WARS2: variants seen among roughly 807,000 people sequenced by gnomAD.
WARS2 encodes tryptophanyl tRNA synthetase 2, mitochondrial.
In WARS2, 28 loss-of-function variants were observed where a neutral mutation model predicts 36.5. The ratio of observed to expected loss-of-function variants is 0.77; its 90% CI spans 0.57 to 1.05. The LOEUF is 1.05. WARS2 is among the 50% of genes least tolerant of loss of function. The pLI is 0.00. For missense variants in WARS2, 435 were observed against 456.8 expected (o/e 0.95, Z 0.44); for synonymous variants, 174 against 178.4 (o/e 0.98, Z 0.20).
At chr1:119,036,896 C>T (rs1476800790) in intron 4 of WARS2, among the ~76,000 whole-genome samples, 4 of 152,166 alleles carry the variant, frequency 2.6e-5, no homozygotes, top group Non-Finnish European at 5.9e-5. Flanking sequence ...GCCTTCCCTC[C>T]CTGTGCTCCT....
At chr1:119,085,385 T>G (rs1403821989) in intron 1 of WARS2, 5 of 1,395,838 alleles carry the variant, frequency 3.6e-6, no homozygotes, top group Non-Finnish European at 5.1e-6. Flanking sequence ...CCTCTTCCTT[T>G]ACTGTCTTGC....
intron 1 of WARS2, among the ~76,000 whole-genome samples, chr1:119,137,620 G>T (rs980206830): frequency 1.1e-4 from 16 of 152,120 alleles, no homozygotes; most frequent in African/African-American, 3.9e-4. Flanking sequence ...ATGATGACAG[G>T]CTTAAATTTA....
intron 1 of WARS2, among the ~76,000 whole-genome samples, chr1:119,096,804 C>T (rs1401123906): frequency 6.6e-6 from 1 of 151,942 alleles, no homozygotes; most frequent in Non-Finnish European, 1.5e-5. Context: ...AATCAAATAG[C>T]GCTCTCATTT....
intron 3 of WARS2, among the ~76,000 whole-genome samples, chr1:119,043,036 A>G (rs1648505492): frequency 6.6e-6 from 1 of 152,136 alleles, no homozygotes; most frequent in African/African-American, 2.4e-5. Flanking sequence ...AGATGATGTT[A>G]GAAACATTTA....
chr1:119,113,104 T>C (rs1440916223), intron 1 of WARS2, among the ~76,000 whole-genome samples: 2 of 152,176 alleles, frequency 1.3e-5, no homozygotes, highest in Non-Finnish European at 2.9e-5. Flanking sequence ...AGGTGATATT[T>C]GTGAAGTTAT....
At chr1:119,095,675 C>T (rs1653391912) in intron 1 of WARS2, among the ~76,000 whole-genome samples, 1 of 152,328 alleles carries the variant, frequency 6.6e-6, no homozygotes, top group Middle Eastern at 3.4e-3. Context: ...TCGTGATCCA[C>T]CTGCCTCGGC....
chr1:119,042,649 C>T (rs1648469450), intron 3 of WARS2, among the ~76,000 whole-genome samples: 1 of 151,800 alleles, frequency 6.6e-6, no homozygotes, highest in Admixed American at 6.6e-5. Flanking sequence ...TTATTGGTTC[C>T]AAATCGGATA....
At chr1:119,084,511 CA>C (rs1364691739) in intron 1 of WARS2, among the ~76,000 whole-genome samples, 6 of 151,940 alleles carry the variant, frequency 3.9e-5, no homozygotes, top group Non-Finnish European at 5.9e-5. Context: ...GCCAATCAAA[CA>C]AAAAAGTTGT....
chr1:119,112,547 A>C (rs1009780238), intron 1 of WARS2, among the ~76,000 whole-genome samples: 5 of 152,242 alleles, frequency 3.3e-5, no homozygotes, highest in African/African-American at 1.2e-4. Context: ...AAGAGCAGGA[A>C]CATCTCTTCC....
Position 119,076,415 on chromosome 1 carries a change from T to C in WARS2, c.283A>G (p.Met95Val), listed in dbSNP as rs1022184165. 3 of 1,614,034 alleles carry C rather than the reference T, an allele frequency of 1.9e-6. No individual in the cohort carries two copies. Among genetic ancestry groups the C allele is most frequent in the Non-Finnish European group, 2.5e-6 (3 of 1,180,032 alleles). ...PAVLRQSILD[M>V]TAVLLACGIN... The stretch of plus-strand genomic sequence containing the variant: ...CCACAGGCAAGAAGAACAGCAGTCA[T>C]GTCCAGGATGCTCTGCCGAAGGACA... Residue 95 changes from methionine (M) to valine (V), a missense_variant, in exon 2 of 6, where the codon ATG becomes GTG. By Grantham distance (21) the Met-to-Val change is conservative. Transcript: ENST00000235521.
intron 2 of WARS2, among the ~76,000 whole-genome samples, chr1:119,058,307 C>CTT (rs56404141): frequency 0.023 from 2,965 of 128,062 alleles, 112 homozygotes; most frequent in African/African-American, 0.09. Flanking sequence ...TTCCCTATTT[C>CTT]TTTTTTTTTT....
intron 1 of WARS2, among the ~76,000 whole-genome samples, chr1:119,081,189 G>C (rs1652166607): frequency 6.6e-6 from 1 of 152,150 alleles, no homozygotes; most frequent in Non-Finnish European, 1.5e-5. Context: ...CTGTTGTAAG[G>C]TACTGAGCAC....
intron 2 of WARS2, among the ~76,000 whole-genome samples, chr1:119,072,361 T>G (rs1281541950): frequency 1.3e-5 from 2 of 152,198 alleles, no homozygotes; most frequent in African/African-American, 4.8e-5. Flanking sequence ...GACAGCAGTT[T>G]ATAGTCACTA....
intron 2 of WARS2, chr1:119,047,281 G>T (rs1409772978): frequency 1.8e-5 from 1 of 55,170 alleles, no homozygotes; most frequent in African/African-American, 9.4e-5. Context: ...AAGTAGGAGA[G>T]AATTTTTTTT....
At chr1:119,058,322 T>TA (rs1553237985) in intron 2 of WARS2, among the ~76,000 whole-genome samples, 42,970 of 146,086 alleles carry the variant, frequency 0.29, 7,389 homozygotes, top group African/African-American at 0.46. Context: ...TTTTTTTTTT[T>TA]ATACTTTAAG....
At chr1:119,044,678 C>T (rs1430067220) in intron 3 of WARS2, among the ~76,000 whole-genome samples, 1 of 152,162 alleles carries the variant, frequency 6.6e-6, no homozygotes, top group Admixed American at 6.5e-5. Flanking sequence ...ATAGTGACTT[C>T]TAGCTCTGTC....
At chr1:119,038,761 GCCT>G (rs1648086126) in intron 4 of WARS2, among the ~76,000 whole-genome samples, 1 of 152,060 alleles carries the variant, frequency 6.6e-6, no homozygotes, top group Non-Finnish European at 1.5e-5. Flanking sequence ...GCTCACTGCG[GCCT>G]CCTCCTCCCG....
At chr1:119,072,216 C>T (rs1651377671) in intron 2 of WARS2, among the ~76,000 whole-genome samples, 1 of 152,118 alleles carries the variant, frequency 6.6e-6, no homozygotes, top group Non-Finnish European at 1.5e-5. Context: ...TCCATCATCA[C>T]CCATGAACAA....
intron 1 of WARS2, among the ~76,000 whole-genome samples, chr1:119,112,515 G>C (rs1261065327): frequency 6.6e-6 from 1 of 152,190 alleles, no homozygotes; most frequent in African/African-American, 2.4e-5. Flanking sequence ...GCAGAACACA[G>C]AAGGACTGAG....
Sources: gnomAD v4.1 joint callset for allele counts (sites outside exome capture counted in the v4.1 genomes callset) on GRCh38, gnomAD v4.1.1 for gene constraint, MANE v1.5 for transcripts, NCBI Gene and HGNC (gene_info 2026-07-23, HGNC 2026-07-21) for gene names.